Variants in MAL observed in about 807,000 individuals in gnomAD.
The protein encoded by MAL is myelin and lymphocyte protein.
MAL carries 5 observed loss-of-function variants against 16.7 expected under a neutral mutation model. That is an observed-to-expected ratio of 0.30 (90% confidence interval 0.16 to 0.63). The LOEUF (loss-of-function observed/expected upper bound fraction) is 0.63, where lower values mean the gene tolerates loss of function less well. MAL is among the 30% of genes least tolerant of loss of function. The pLI, the probability that MAL is intolerant of heterozygous loss-of-function variation, is 0.82. For missense variants in MAL, 202 were observed against 195.8 expected, an observed-to-expected ratio of 1.03 and a Z score of -0.19; for synonymous variants, 96 against 85.5, an observed-to-expected ratio of 1.12 and a Z score of -0.67.
intron 3 of MAL, among the ~76,000 whole-genome samples, chr2:95,050,317 T>G (rs1462993481): frequency 2.6e-5 from 4 of 152,358 alleles, no homozygotes; most frequent in African/African-American, 9.6e-5. Flanking sequence ...AATATATTGT[T>G]TCATCACATG....
chr2:95,049,024 T>G (rs1206887132), intron 2 of MAL, among the ~76,000 whole-genome samples: 7 of 152,058 alleles, frequency 4.6e-5, no homozygotes, highest in African/African-American at 2.4e-5. Flanking sequence ...TAACTATGTT[T>G]CCCAGGCTGG....
chr2:95,033,973 A>G (rs2104333984), intron 1 of MAL, among the ~76,000 whole-genome samples: 1 of 152,308 alleles, frequency 6.6e-6, no homozygotes, highest in Non-Finnish European at 1.5e-5. Context: ...TGCCTCACAT[A>G]GCTACTGCCC....
At chr2:95,046,833 AAGAG>A (rs1420616884) in intron 1 of MAL, among the ~76,000 whole-genome samples, 3 of 151,576 alleles carry the variant, frequency 2.0e-5, no homozygotes, top group South Asian at 2.1e-4. Context: ...AAGAGAAAGA[AAGAG>A]AGAGAAAGAG....
rs749735071 is a variant in MAL at position 95,049,583 on chromosome 2, C to A, written c.264C>A (p.Asp88Glu). The change falls in exon 3 of 4, where the codon GAC becomes GAA. Residue 88 changes from aspartate to glutamate, a missense_variant and splice_region_variant. Physicochemically the swap from Asp to Glu is conservative, Grantham distance 45 (BLOSUM62 2). Coordinates refer to ENST00000309988, the MANE Select transcript of MAL (RefSeq NM_002371.4). ...CTGACACCCCGTCTGCCCCATAGGA[C>A]GCAGCCTACCACTGCACCGCTGCCC... ...HGGETSWVTL[D>E]AAYHCTAALF... 1 of 1,614,036 alleles carries A rather than the reference C, an allele frequency of 6.2e-7. No homozygotes were observed. The highest frequency in any genetic ancestry group is 2.2e-5 in the East Asian group (1 of 44,884).
intron 1 of MAL, among the ~76,000 whole-genome samples, chr2:95,030,387 C>G (rs1674048757): frequency 6.6e-6 from 1 of 152,222 alleles, no homozygotes; most frequent in Admixed American, 6.5e-5. Flanking sequence ...CTCGTCTGCT[C>G]CCCTGCAAAA....
Position 95,025,819 on chromosome 2 carries a change from C to T in MAL, c.27C>T (p.Gly9=), listed in dbSNP as rs1335095807. Reference sequence around the variant, plus strand: ...TGGCCCCCGCAGCGGCGACGGGGGGCAGCACCCTGCCCAGTGGCTTCTCGG... The same window carrying T: ...TGGCCCCCGCAGCGGCGACGGGGGGTAGCACCCTGCCCAGTGGCTTCTCGG... MAPAAATG[G]STLPSGFSVF... The change falls in exon 1 of 4, where the codon GGC becomes GGT. Residue 9 remains glycine, a synonymous_variant. Coordinates refer to ENST00000309988, the MANE Select transcript of MAL (RefSeq NM_002371.4). The surrounding 1 kb of genome is among the most constrained non-coding windows in gnomAD (Gnocchi z 5.6). 1.3e-6 allele frequency: 2 copies of T among 1,570,676 alleles called. No homozygotes were observed. The highest frequency in any genetic ancestry group is 4.8e-5 in the East Asian group (2 of 41,510).
At chr2:95,045,917 G>A (rs1674575718) in intron 1 of MAL, among the ~76,000 whole-genome samples, 1 of 152,162 alleles carries the variant, frequency 6.6e-6, no homozygotes, top group African/African-American at 2.4e-5. Context: ...TTATTTAATT[G>A]ATTTTGCTCC....
chr2:95,053,272 G>A (rs1674757422), intron 3 of MAL, 109 bp from the exon 4 acceptor site: 2 of 769,918 alleles, frequency 2.6e-6, no homozygotes, highest in East Asian at 2.4e-5. Flanking sequence ...GACAGCCCAA[G>A]CTCTCTGGGT....
Position 95,040,748 on chromosome 2 carries a change from G to A in MAL, c.94-7211G>A, listed in dbSNP as rs560953761. On this transcript the variant is annotated intron_variant, in intron 1 of 3. Transcript: ENST00000309988. The stretch of plus-strand genomic sequence containing the variant: ...AGTCCACATGCCTCCCTCGTCTGGC[G>A]GGGACATCTCTTCTTTTCCTTTCTG... 3.9e-5 allele frequency among the ~76,000 whole-genome samples: 6 copies of A among 152,268 alleles called. No homozygotes were observed. The South Asian group carries it at 6.2e-4, about 16-fold the overall frequency.
chr2:95,037,060 G>GGTGA (rs1674235155), intron 1 of MAL, among the ~76,000 whole-genome samples: 1 of 77,018 alleles, frequency 1.3e-5, no homozygotes, highest in Non-Finnish European at 2.7e-5. Flanking sequence ...TGACTGAGTG[G>GGTGA]GTGAGTGACT....
intron 1 of MAL, among the ~76,000 whole-genome samples, chr2:95,037,526 A>AGTGAGTGAGTGAGTGAGTG (rs1674262914): frequency 5.6e-5 from 2 of 35,810 alleles, no homozygotes; most frequent in Non-Finnish European, 1.2e-4. Context: ...GTGAGTGAGC[A>AGTGAGTGAGTGAGTGAGTG]AGCGAGTGAG....
intron 1 of MAL, among the ~76,000 whole-genome samples, chr2:95,038,487 AGTGAGTGAGTGACTGAGTGAGTGAGTGG>A: frequency 6.6e-6 from 1 of 150,614 alleles, no homozygotes; most frequent in South Asian, 2.2e-4. Flanking sequence ...TGACTGAGTG[AGTGAGTGAGTGACTGAGTGAGTGAGTGG>A]GTGAGTGAGT....
At chr2:95,040,260 T>G (rs143570445) in intron 1 of MAL, among the ~76,000 whole-genome samples, 150 of 151,920 alleles carry the variant, frequency 9.9e-4, no homozygotes, top group African/African-American at 3.5e-3. Flanking sequence ...TACATACACA[T>G]GCACAGACAT....
chr2:95,033,642 G>A (rs923992808), intron 1 of MAL, among the ~76,000 whole-genome samples: 11 of 152,130 alleles, frequency 7.2e-5, no homozygotes, highest in Non-Finnish European at 1.3e-4. Flanking sequence ...AGCCAACTAT[G>A]ATGGCTTGCA....
At chr2:95,038,237 TGA>T (rs2104342992) in intron 1 of MAL, among the ~76,000 whole-genome samples, 2 of 11,558 alleles carry the variant, frequency 1.7e-4, no homozygotes, top group South Asian at 4.1e-3. Context: ...ACTGAGTGAC[TGA>T]GTGTGTGAGT....
At chr2:95,039,196 CTGAG>C (rs1674366932) in intron 1 of MAL, among the ~76,000 whole-genome samples, 5 of 79,020 alleles carry the variant, frequency 6.3e-5, no homozygotes, top group East Asian at 3.6e-4. Context: ...GAGTGAGTGA[CTGAG>C]TGAGTGACTG....
At chr2:95,029,880 C>T (rs988911062) in intron 1 of MAL, among the ~76,000 whole-genome samples, 2 of 152,216 alleles carry the variant, frequency 1.3e-5, no homozygotes, top group African/African-American at 4.8e-5. Context: ...ACATGAAAGT[C>T]GCCATTGTTC....
At chr2:95,039,276 GTGAC>G (rs1232894299) in intron 1 of MAL, among the ~76,000 whole-genome samples, 3 of 150,314 alleles carry the variant, frequency 2.0e-5, no homozygotes, top group African/African-American at 7.4e-5. Context: ...GAGTGGGTGA[GTGAC>G]TGAGTGAGTG....
At chr2:95,039,555 A>C (rs1558659471) in intron 1 of MAL, among the ~76,000 whole-genome samples, 1 of 145,962 alleles carries the variant, frequency 6.9e-6, no homozygotes, top group Non-Finnish European at 1.5e-5. Context: ...TGACTTGGTA[A>C]GTGAGTGACT....
Sources: gnomAD v4.1 joint callset for allele counts (sites outside exome capture counted in the v4.1 genomes callset) on GRCh38, gnomAD v4.1.1 for gene constraint, Gnocchi (gnomAD v3.1) non-coding constraint, MANE v1.5 for transcripts, NCBI Gene and HGNC (gene_info 2026-07-23, HGNC 2026-07-21) for gene names.